Variants in MTMR8 observed in about 807,000 individuals in gnomAD.
MTMR8 encodes myotubularin related protein 8, also known as phosphatidylinositol-3,5-bisphosphate 3-phosphatase MTMR8.
A neutral mutation model predicts 39.3 loss-of-function variants in MTMR8; 65 were observed. That is an observed-to-expected ratio of 1.65 (90% confidence interval 1.35 to 2.03). MTMR8 has a LOEUF of 2.03. Among genes scored for constraint, MTMR8 ranks in the 30% most tolerant of loss-of-function variants. The probability of loss-of-function intolerance (pLI) is 0.00; values close to 1 mark genes in which losing one functional copy is unlikely to be tolerated. For synonymous variants in MTMR8, 245 were observed against 185.2 expected, an observed-to-expected ratio of 1.32 and a Z score of -2.62; for missense variants, 777 against 538.9, an observed-to-expected ratio of 1.44 and a Z score of -4.37.
chrX:64,348,870 T>C, intron 5 of MTMR8, 76 bp from the exon 6 acceptor site: 1 of 1,101,308 alleles, frequency 9.1e-7, no homozygotes, highest in Non-Finnish European at 1.2e-6. Flanking sequence ...CTTGCCAGGT[T>C]CCATGAGTAG....
chrX:64,369,452 A>C (rs1162077395), intron 1 of MTMR8, among the ~76,000 whole-genome samples: 1 of 111,630 alleles, frequency 9.0e-6, no homozygotes, highest in Non-Finnish European at 1.9e-5. Context: ...GGCTGAGTTC[A>C]TGTCCTTTGC....
chrX:64,367,787 G>C (rs1445785137), intron 1 of MTMR8, among the ~76,000 whole-genome samples: 2 of 111,416 alleles, frequency 1.8e-5, no homozygotes, highest in African/African-American at 6.5e-5. Flanking sequence ...AAGAAATAAA[G>C]GGTATTCAAT....
At chrX:64,365,180 C>T (rs1283876682) in intron 1 of MTMR8, among the ~76,000 whole-genome samples, 3 of 111,288 alleles carry the variant, frequency 2.7e-5, no homozygotes, top group Non-Finnish European at 5.7e-5. Context: ...AGTTGGAAAA[C>T]ACTTTTCAGG....
At chrX:64,363,844 A>T (rs1452446341) in intron 1 of MTMR8, among the ~76,000 whole-genome samples, 1 of 111,656 alleles carries the variant, frequency 9.0e-6, no homozygotes. Context: ...CCAAGGGAAG[A>T]CGTGACGGAC....
At chrX:64,327,413 T>C (rs766298158) in intron 12 of MTMR8, among the ~76,000 whole-genome samples, 1 of 111,357 alleles carries the variant, frequency 9.0e-6, no homozygotes, top group South Asian at 3.7e-4. Flanking sequence ...AAATGGCCAA[T>C]AGGTATATGA....
chrX:64,374,170 C>G (rs1031778766), intron 1 of MTMR8, among the ~76,000 whole-genome samples: 4 of 111,665 alleles, frequency 3.6e-5, no homozygotes, highest in African/African-American at 1.3e-4. Flanking sequence ...ATGAACCCAA[C>G]TCAATGCAAC....
intron 12 of MTMR8, among the ~76,000 whole-genome samples, chrX:64,295,817 G>C (rs1360826173): frequency 8.9e-6 from 1 of 111,925 alleles, no homozygotes; most frequent in Non-Finnish European, 1.9e-5. Context: ...TGCAATTATT[G>C]GTGAGGATAC....
At chrX:64,285,659 G>A (rs1921140123) in intron 12 of MTMR8, among the ~76,000 whole-genome samples, 2 of 111,741 alleles carry the variant, frequency 1.8e-5, no homozygotes, top group Middle Eastern at 4.7e-3. Context: ...CTAGAACTCA[G>A]GATTAAGAAA....
Position 64,337,355 on chromosome X carries a change from A to G in MTMR8, c.1014T>C (p.Cys338=). The change falls in exon 9 of 14, where the codon TGT becomes TGC. Residue 338 remains cysteine (C), a synonymous_variant. Coordinates refer to ENST00000374852, the MANE Select transcript of MTMR8 (RefSeq NM_017677.4). ...KVEKASVLVH[C]SDGWDRTAQV... Reference sequence around the variant, plus strand: ...GTGCTGTGCGGTCCCATCCATCAGAACAATGGACTAAGACACTGGCCTTTT... The same window carrying G: ...GTGCTGTGCGGTCCCATCCATCAGAGCAATGGACTAAGACACTGGCCTTTT... 5 of 1,209,976 alleles carry G rather than the reference A, an allele frequency of 4.1e-6. No homozygotes were observed. The highest frequency in any genetic ancestry group is 2.2e-5 in the Admixed American group (1 of 45,893).
Position 64,356,210 on chromosome X carries a change from C to G in MTMR8, c.276G>C (p.Glu92Asp). The change falls in exon 3 of 14, where the codon GAG (glutamate) becomes GAC (aspartate). Residue 92 changes from glutamate to aspartate, a missense_variant. By Grantham distance (45) the Glu-to-Asp change is conservative. Coordinates refer to ENST00000374852, the MANE Select transcript of MTMR8 (RefSeq NM_017677.4). ...AAAGCTTGAGCAGTGAAATATAAAC[C>G]TCATGGCACACAAGGTCAGAATCTA... ...FVLDSDLVCH[E>D]VYISLLKLSQ... is the part of the protein sequence containing the mutation. The G allele has an allele frequency of 8.3e-7, 1 of 1,207,994 alleles. No homozygotes were observed. The highest frequency in any genetic ancestry group is 1.8e-5 in the South Asian group (1 of 56,227).
At chrX:64,311,343 G>GT (rs894010716) in intron 12 of MTMR8, among the ~76,000 whole-genome samples, 49 of 109,427 alleles carry the variant, frequency 4.5e-4, no homozygotes, top group Non-Finnish European at 5.9e-4. Context: ...TTTTGATGGG[G>GT]TTTTTTTTTC....
chrX:64,283,405 A>G (rs780870875), intron 12 of MTMR8, among the ~76,000 whole-genome samples: 45 of 112,329 alleles, frequency 4.0e-4, no homozygotes, highest in African/African-American at 1.4e-3. Context: ...GGGGCAGGGT[A>G]TAGCTGAACA....
In MTMR8 at chrX:64,304,881, T is replaced by G. The variant is rs1189470476; in HGVS notation, c.1481+23891A>C. 8.0e-5 allele frequency among the ~76,000 whole-genome samples: 6 copies of G among 75,011 alleles called. No individual in the cohort carries two copies. In the East Asian group the frequency reaches 1.9e-3, roughly 23 times the overall value. The allele number at this position is 75,011 out of a possible 115,157, so 65.1% of individuals were successfully genotyped here. A position where few individuals can be genotyped will look rare whatever the true frequency, so the allele number is the denominator to read the frequency against. On this transcript the variant is annotated intron_variant, in intron 12 of 13. Transcript: ENST00000374852. ...ACATTTATATATATATATATATATA[T>G]ATATATATATATATATATATATATA...
chrX:64,319,094 A>G (rs982078818), intron 12 of MTMR8, among the ~76,000 whole-genome samples: 3 of 112,529 alleles, frequency 2.7e-5, no homozygotes, highest in African/African-American at 9.7e-5. Context: ...AAATACTCAA[A>G]GCTAAAAAGA....
rs189478419 is a variant in MTMR8, at chrX:64,352,260, T to G, written c.469-2190A>C. ...TCTGCTGGAGGAATTCAGTGTGTCCTACGTCACTCTGCTGAGAGAGGACTC... is the reference window on the plus strand; with the variant it reads ...TCTGCTGGAGGAATTCAGTGTGTCCGACGTCACTCTGCTGAGAGAGGACTC... On this transcript the variant is annotated intron_variant, in intron 4 of 13. Coordinates refer to ENST00000374852, the MANE Select transcript of MTMR8 (RefSeq NM_017677.4). 5.4e-5 allele frequency among the ~76,000 whole-genome samples: 6 copies of G among 111,689 alleles called. No homozygotes were observed. In the East Asian group the frequency reaches 1.7e-3, roughly 32 times the overall value.
intron 1 of MTMR8, among the ~76,000 whole-genome samples, chrX:64,380,833 CA>C (rs776656078): frequency 9.0e-6 from 1 of 111,360 alleles, no homozygotes; most frequent in East Asian, 2.8e-4. Context: ...CTATCAGTGA[CA>C]ACATGCGGTG....
At position 64,382,405 on chromosome X, in the gene MTMR8, G is replaced by A. The variant is rs189050772; in HGVS notation, c.24+12935C>T. On this transcript the variant is annotated intron_variant, in intron 1 of 13. Coordinates refer to ENST00000374852, the MANE Select transcript of MTMR8 (RefSeq NM_017677.4). ...TCACTCATGATTTGGCTCTCTATTT[G>A]TCTGTTATTGGTGTATAAGAATGCT... Among the ~76,000 whole-genome samples the A allele has an allele frequency of 1.4e-4, 16 of 111,297 alleles. 1 individual carries two copies. Among genetic ancestry groups the A allele is most frequent in the Admixed American group, 2.9e-4 (3 of 10,448 alleles).
chrX:64,335,990 T>C, intron 10 of MTMR8, 89 bp downstream of exon 10: 1 of 643,760 alleles, frequency 1.6e-6, no homozygotes, highest in African/African-American at 2.3e-5. Context: ...TTCCTCTTCC[T>C]TCCTTTACAT....
intron 12 of MTMR8, among the ~76,000 whole-genome samples, chrX:64,280,860 C>G (rs957812177): frequency 9.0e-6 from 1 of 111,539 alleles, no homozygotes; most frequent in Non-Finnish European, 1.9e-5. Flanking sequence ...TCTCAGGATA[C>G]AAAATCAATG....
Sources: allele counts gnomAD v4.1 joint callset (sites outside exome capture counted in the v4.1 genomes callset), GRCh38; gene constraint gnomAD v4.1.1; transcripts MANE v1.5; gene names NCBI Gene and HGNC (gene_info 2026-07-23, HGNC 2026-07-21).